The following PCDHA6 variants were observed in gnomAD, a reference collection of about 807,000 sequenced individuals.
The protein encoded by PCDHA6 is protocadherin alpha-6.
PCDHA6 carries 55 observed loss-of-function variants against 60.3 expected under a neutral mutation model. The ratio of observed to expected loss-of-function variants is 0.91; its 90% CI spans 0.73 to 1.14. The LOEUF (loss-of-function observed/expected upper bound fraction) is 1.14, where lower values mean the gene tolerates loss of function less well. PCDHA6 is among the 50% of genes most tolerant of loss of function. The probability of loss-of-function intolerance (pLI) is 0.00; values close to 1 mark genes in which losing one functional copy is unlikely to be tolerated. For synonymous variants in PCDHA6, 652 were observed against 557.9 expected (o/e 1.17, Z -2.38); for missense variants, 1,327 against 1,256.5 (o/e 1.06, Z -0.85).
At chr5:140,857,246 T>C in intron 1 of PCDHA6, 1 of 1,598,642 alleles carries the variant, frequency 6.3e-7, no homozygotes, top group Non-Finnish European at 8.6e-7. Context: ...GGTGTCCACC[T>C]ACAAGAATTA....
chr5:140,939,028 C>T (rs1231920381), intron 1 of PCDHA6, among the ~76,000 whole-genome samples: 6 of 152,098 alleles, frequency 3.9e-5, no homozygotes, highest in East Asian at 1.9e-4. Context: ...TTTACTTATT[C>T]GGAAGAGTTG....
chr5:140,975,903 C>A (rs1189531342), intron 1 of PCDHA6, among the ~76,000 whole-genome samples: 1 of 152,090 alleles, frequency 6.6e-6, no homozygotes, highest in Admixed American at 6.6e-5. Context: ...AGTTTTGTGA[C>A]CATTATTCTA....
At chr5:140,981,666 C>CT (rs1430989347) in intron 2 of PCDHA6, among the ~76,000 whole-genome samples, 8 of 152,058 alleles carry the variant, frequency 5.3e-5, no homozygotes, top group Non-Finnish European at 1.0e-4. Flanking sequence ...TTCTTCCTTC[C>CT]TTTCTTCCTT....
At position 140,876,236 on chromosome 5, in the gene PCDHA6, T is replaced by A. The variant is rs782328225; in HGVS notation, c.2394+45751T>A. ...TATAAAGTAGTGTTGTCTGAAAATG[T>A]CCAAAACGACACAAGAGTGATCCAA... On this transcript the variant is annotated intron_variant, in intron 1 of 3. Coordinates refer to ENST00000529310, the MANE Select transcript of PCDHA6 (RefSeq NM_018909.4). The A allele has an allele frequency of 6.2e-7, 1 of 1,613,856 alleles. No homozygotes were observed. Among genetic ancestry groups the A allele is most frequent in the African/African-American group, 1.3e-5 (1 of 74,914 alleles).
rs140697336 is a variant in PCDHA6 at position 140,835,530 on chromosome 5, G to C, written c.2394+5045G>C. On this transcript the variant is annotated intron_variant, in intron 1 of 3. Transcript: ENST00000529310. ...GTTTGACCGAGATTTTGGAGTCAAC[G>C]GACAGGTTACCTGCTCCCTGACGCC... 1.3e-4 allele frequency: 204 copies of C among 1,613,820 alleles called. 2 individuals carry two copies. The highest frequency in any genetic ancestry group is 2.2e-4 in the Admixed American group (13 of 59,990).
At chr5:140,908,578 GTAGT>G (rs1554193408) in intron 1 of PCDHA6, among the ~76,000 whole-genome samples, 1 of 152,196 alleles carries the variant, frequency 6.6e-6, no homozygotes, top group African/African-American at 2.4e-5. Flanking sequence ...CAAAAGGAGA[GTAGT>G]TAGCTGCAGA....
intron 1 of PCDHA6, chr5:140,863,165 C>G (rs1367294208): frequency 1.5e-6 from 1 of 666,560 alleles, no homozygotes; most frequent in Non-Finnish European, 2.7e-6. Context: ...TGCGAGCTGG[C>G]GCTGACTGCC....
In PCDHA6 at chr5:140,970,874, G is replaced by A. The variant is rs191123160; in HGVS notation, c.2395-8075G>A. On this transcript the variant is annotated intron_variant, in intron 1 of 3. Coordinates refer to ENST00000529310, the MANE Select transcript of PCDHA6 (RefSeq NM_018909.4). ...AAAGTTCCATTCCTGATTGAGAGTA[G>A]ATTTTTCTCATGGACATTTCAGATA... Among the ~76,000 whole-genome samples the A allele has an allele frequency of 1.6e-4, 24 of 152,250 alleles. No individual in the cohort carries two copies. The East Asian group carries it at 2.7e-3, about 17-fold the overall frequency.
intron 1 of PCDHA6, chr5:140,868,880 A>G (rs1384235072): frequency 1.4e-6 from 1 of 698,244 alleles, no homozygotes; most frequent in Non-Finnish European, 2.3e-6. Flanking sequence ...CAGTACTCAC[A>G]GTTTTAGGCG....
rs2150397998 is a variant in PCDHA6, at chr5:140,847,199, C to T, written c.2394+16714C>T. On this transcript the variant is annotated intron_variant, in intron 1 of 3. Coordinates refer to ENST00000529310, the MANE Select transcript of PCDHA6 (RefSeq NM_018909.4). ...GGCCATGAGTGATTAAGGAATTTGGCCACTCTTTAGAATTAATTGGGAGCT... is the reference window on the plus strand; with the variant it reads ...GGCCATGAGTGATTAAGGAATTTGGTCACTCTTTAGAATTAATTGGGAGCT... Among the ~76,000 whole-genome samples the T allele has an allele frequency of 2.7e-5, 4 of 149,538 alleles. No homozygotes were observed. In the East Asian group the frequency reaches 7.8e-4, roughly 29 times the overall value.
Position 140,895,899 on chromosome 5 carries a change from C to T in PCDHA6, c.2394+65414C>T, listed in dbSNP as rs181661173. Among the ~76,000 whole-genome samples, 21 of 152,308 alleles carry T rather than the reference C, an allele frequency of 1.4e-4. No homozygotes were observed. The East Asian group carries it at 2.5e-3, about 18-fold the overall frequency. ...CGATCTCGGCTCACTGCAACCTCCGCGTCCCGGGCTCAACAATTATCCTGC... is the reference window on the plus strand; with the variant it reads ...CGATCTCGGCTCACTGCAACCTCCGTGTCCCGGGCTCAACAATTATCCTGC... On this transcript the variant is annotated intron_variant, in intron 1 of 3. Transcript: ENST00000529310.
In PCDHA6 at chr5:140,870,868, G is replaced by T. The variant is rs550915753; in HGVS notation, c.2394+40383G>T. 2.5e-6 allele frequency: 4 copies of T among 1,613,944 alleles called. No homozygotes were observed. The South Asian group carries it at 3.3e-5, about 13-fold the overall frequency. ...ACCGCGGTCGGTGGGTGCGGGCCAC[G>T]TGGTGGCGAAGGTGCGCGCAGTGGA... On this transcript the variant is annotated intron_variant, in intron 1 of 3. Coordinates refer to ENST00000529310, the MANE Select transcript of PCDHA6 (RefSeq NM_018909.4).
intron 1 of PCDHA6, among the ~76,000 whole-genome samples, chr5:140,920,594 C>G (rs1347372573): frequency 1.3e-5 from 2 of 152,176 alleles, no homozygotes; most frequent in Admixed American, 1.3e-4. Flanking sequence ...GCCTGTAATC[C>G]CAGCACTTTG....
chr5:140,966,435 C>G (rs1554228292), intron 1 of PCDHA6: 5 of 423,758 alleles, frequency 1.2e-5, no homozygotes, highest in African/African-American at 1.0e-4. Context: ...GCCCTCCTAC[C>G]GCTCCCTTTC....
At chr5:140,968,467 A>G (rs2153771249) in intron 1 of PCDHA6, 1 of 1,614,124 alleles carries the variant, frequency 6.2e-7, no homozygotes, top group Non-Finnish European at 8.5e-7. Flanking sequence ...CTGCCAACGT[A>G]TATGTGGTGG....
At chr5:140,993,720 T>C (rs1201014213) in intron 3 of PCDHA6, among the ~76,000 whole-genome samples, 2 of 152,172 alleles carry the variant, frequency 1.3e-5, no homozygotes, top group Non-Finnish European at 2.9e-5. Context: ...TTACTGTACC[T>C]TTTCTATGTT....
chr5:141,002,218 A>T (rs782352324), intron 3 of PCDHA6, among the ~76,000 whole-genome samples: 124 of 152,272 alleles, frequency 8.1e-4, no homozygotes, highest in Admixed American at 3.6e-3. Context: ...AATCAAAATG[A>T]TGGGTTTTCT....
chr5:140,994,417 T>C (rs1401833924), intron 3 of PCDHA6, among the ~76,000 whole-genome samples: 1 of 152,078 alleles, frequency 6.6e-6, no homozygotes, highest in East Asian at 1.9e-4. Context: ...ATACTGGATA[T>C]TGAGGCCGGG....
chr5:140,995,954 A>G (rs2097705768), intron 3 of PCDHA6, among the ~76,000 whole-genome samples: 1 of 152,226 alleles, frequency 6.6e-6, no homozygotes, highest in South Asian at 2.1e-4. Context: ...TGCACGCAAA[A>G]TGCTTAGAAC....
Sources: gnomAD v4.1 joint callset for allele counts (sites outside exome capture counted in the v4.1 genomes callset) on GRCh38, gnomAD v4.1.1 for gene constraint, MANE v1.5 for transcripts, NCBI Gene and HGNC (gene_info 2026-07-23, HGNC 2026-07-21) for gene names.